Variants in CEP162 observed in about 807,000 individuals in gnomAD.
CEP162 encodes the protein centrosomal protein of 162 kDa.
CEP162 carries 141 observed loss-of-function variants against 169.2 expected under a neutral mutation model. The observed-to-expected ratio is 0.83, with a 90% confidence interval of 0.73 to 0.96. The LOEUF (loss-of-function observed/expected upper bound fraction) is 0.96. Among genes scored for constraint, CEP162 ranks in the 40% least tolerant of loss-of-function variants. The pLI, the probability that CEP162 is intolerant of heterozygous loss-of-function variation, is 0.00. For synonymous variants in CEP162, 540 were observed against 526.4 expected, an observed-to-expected ratio of 1.03 and a Z score of -0.35; for missense variants, 1,600 against 1,587.2, an observed-to-expected ratio of 1.01 and a Z score of -0.14.
intron 25 of CEP162, among the ~76,000 whole-genome samples, chr6:84,129,376 C>T (rs149388942): frequency 6.6e-6 from 1 of 152,156 alleles, no homozygotes; most frequent in Admixed American, 6.5e-5. Context: ...TTAATGATCG[C>T]CATTCTAACT....
intron 25 of CEP162, among the ~76,000 whole-genome samples, chr6:84,135,600 C>T (rs1027063961): frequency 2.2e-4 from 34 of 151,760 alleles, no homozygotes; most frequent in African/African-American, 7.3e-4. Flanking sequence ...TGGTGGCTCA[C>T]GCCTGTAATC....
intron 25 of CEP162, among the ~76,000 whole-genome samples, chr6:84,129,135 A>G (rs9449797): frequency 0.087 from 13,187 of 152,198 alleles, 1,471 homozygotes; most frequent in African/African-American, 0.26. Context: ...TATTGTGAAT[A>G]GTGCCACAAT....
chr6:84,152,863 A>G lies in CEP162; in HGVS notation c.3311T>C (p.Leu1104Pro). ...CTGAAGCCTCTCCACAGTTTTTGAG[A>G]GGTCTTGTATTTCTCTCTTTTTTGC... ...LAAKKREIQD[L>P]SKTVERLQKD... The change falls in exon 23 of 27, where the codon CTC (leucine) becomes CCC (proline). Residue 1104 changes from leucine (L) to proline (P), a missense_variant. Leu to Pro is a moderately conservative substitution (Grantham distance 98). Transcript: ENST00000403245. 1 of 1,613,554 alleles carries G rather than the reference A, an allele frequency of 6.2e-7. No homozygotes were observed.
intron 4 of CEP162, 121 bp downstream of exon 4, chr6:84,215,655 T>C (rs1341545616): frequency 2.2e-6 from 3 of 1,335,684 alleles, no homozygotes; most frequent in African/African-American, 3.0e-5. Flanking sequence ...TCTAAACCTC[T>C]AGGAAGATAT....
intron 9 of CEP162, among the ~76,000 whole-genome samples, chr6:84,198,500 G>A (rs578232099): frequency 6.6e-5 from 10 of 152,194 alleles, no homozygotes; most frequent in South Asian, 2.1e-4. Flanking sequence ...GGCTGGTCTC[G>A]AACTCCTGAC....
intron 2 of CEP162, among the ~76,000 whole-genome samples, chr6:84,224,194 T>C (rs759527263): frequency 2.6e-5 from 4 of 152,206 alleles, no homozygotes; most frequent in Non-Finnish European, 5.9e-5. Flanking sequence ...CAATGAAATA[T>C]TACTTATCCA....
At chr6:84,178,550 AT>A (rs1411894641) in intron 13 of CEP162, among the ~76,000 whole-genome samples, 3 of 152,150 alleles carry the variant, frequency 2.0e-5, no homozygotes, top group African/African-American at 7.2e-5. Flanking sequence ...GTATGCTTTG[AT>A]TAATACAATT....
chr6:84,167,902 C>T (rs1221380609), intron 18 of CEP162, among the ~76,000 whole-genome samples: 2 of 152,074 alleles, frequency 1.3e-5, no homozygotes, highest in East Asian at 1.9e-4. Context: ...AAGGGTATCC[C>T]GTCTACACTT....
chr6:84,183,152 T>C (rs909464764), intron 13 of CEP162, among the ~76,000 whole-genome samples: 18 of 152,268 alleles, frequency 1.2e-4, no homozygotes, highest in African/African-American at 2.9e-4. Flanking sequence ...TTTAATAATG[T>C]GTTTTTTTTT....
intron 18 of CEP162, among the ~76,000 whole-genome samples, chr6:84,163,664 T>C (rs1054931377): frequency 4.0e-5 from 6 of 151,806 alleles, no homozygotes; most frequent in Non-Finnish European, 5.9e-5. Flanking sequence ...AATGTCATTC[T>C]CCACCAAAAA....
intron 25 of CEP162, among the ~76,000 whole-genome samples, chr6:84,145,748 G>C (rs1289613421): frequency 1.3e-5 from 2 of 152,068 alleles, no homozygotes; most frequent in African/African-American, 4.8e-5. Context: ...AAACTGCAGA[G>C]AGTCACCACA....
intron 5 of CEP162, among the ~76,000 whole-genome samples, chr6:84,214,407 C>T (rs1161584427): frequency 2.0e-5 from 3 of 152,262 alleles, no homozygotes; most frequent in Admixed American, 6.5e-5. Context: ...GGAACCAATG[C>T]GAACAAATGC....
At chr6:84,207,254 A>C (rs189542168) in intron 6 of CEP162, among the ~76,000 whole-genome samples, 13 of 152,320 alleles carry the variant, frequency 8.5e-5, no homozygotes, top group African/African-American at 2.4e-4. Flanking sequence ...TGCTACTATA[A>C]AGACATATGC....
intron 6 of CEP162, among the ~76,000 whole-genome samples, chr6:84,204,998 C>A (rs1388228963): frequency 3.3e-5 from 5 of 152,110 alleles, no homozygotes; most frequent in African/African-American, 4.8e-5. Flanking sequence ...ATCCTGGACA[C>A]ATACACCCTC....
chr6:84,132,693 T>C (rs2099512126), intron 25 of CEP162, among the ~76,000 whole-genome samples: 3 of 152,200 alleles, frequency 2.0e-5, no homozygotes, highest in South Asian at 2.1e-4. Context: ...TTCAGCTCCA[T>C]CAGGTGATTT....
At chr6:84,176,191 T>C (rs2129223308) in intron 13 of CEP162, among the ~76,000 whole-genome samples, 1 of 152,252 alleles carries the variant, frequency 6.6e-6, no homozygotes, top group Non-Finnish European at 1.5e-5. Flanking sequence ...GCTTTTTAAA[T>C]GTAGAGTTTA....
chr6:84,183,042 A>C (rs1562052873), intron 13 of CEP162, among the ~76,000 whole-genome samples: 2 of 152,166 alleles, frequency 1.3e-5, no homozygotes, highest in South Asian at 4.1e-4. Flanking sequence ...CTTCAATAAA[A>C]AACAGAGATT....
intron 16 of CEP162, among the ~76,000 whole-genome samples, chr6:84,172,894 A>G (rs1373682256): frequency 2.0e-5 from 3 of 152,160 alleles, no homozygotes; most frequent in Admixed American, 1.3e-4. Context: ...GAACAAAGAT[A>G]AAGTCTTATG....
intron 3 of CEP162, among the ~76,000 whole-genome samples, chr6:84,217,590 C>G (rs1258666752): frequency 1.3e-5 from 2 of 152,114 alleles, no homozygotes; most frequent in African/African-American, 4.8e-5. Context: ...CGTCAGGGTG[C>G]AGGACTGGCA....
Sources: allele counts gnomAD v4.1 joint callset (sites outside exome capture counted in the v4.1 genomes callset), GRCh38; gene constraint gnomAD v4.1.1; transcripts MANE v1.5; gene names NCBI Gene and HGNC (gene_info 2026-07-23, HGNC 2026-07-21).